Variants in AGMO observed in about 807,000 individuals in gnomAD.
AGMO encodes the protein glyceryl-ether monooxygenase.
Under a neutral mutation model 60.2 loss-of-function variants are expected in AGMO, and 75 were observed. The ratio of observed to expected loss-of-function variants is 1.25; its 90% confidence interval spans 1.03 to 1.51. The LOEUF (loss-of-function observed/expected upper bound fraction) is 1.51, where lower values mean the gene tolerates loss of function less well. Among genes scored for constraint, AGMO ranks in the 40% most tolerant of loss-of-function variants. AGMO has a pLI of 0.00. For missense variants in AGMO, 763 were observed against 525.5 expected, an observed-to-expected ratio of 1.45 and a Z score of -4.42; for synonymous variants, 261 against 177.1, an observed-to-expected ratio of 1.47 and a Z score of -3.76.
chr7:15,306,571 T>TTA, intron 12 of AGMO: 4 of 373,378 alleles, frequency 1.1e-5, no homozygotes, highest in South Asian at 2.0e-5. Flanking sequence ...TATGACTGTG[T>TTA]AAAAAAAAAA....
At chr7:15,330,237 T>C (rs373735014) in intron 12 of AGMO, among the ~76,000 whole-genome samples, 30 of 152,230 alleles carry the variant, frequency 2.0e-4, no homozygotes, top group Middle Eastern at 6.8e-3. Context: ...AGTACTAAAA[T>C]AATAAAATCC....
chr7:15,176,971 T>A, the AGMO span, among the ~76,000 whole-genome samples: 1 of 151,996 alleles, frequency 6.6e-6, no homozygotes, highest in African/African-American at 2.4e-5. Context: ...GACCAAGACA[T>A]GTCATTTAAT....
chr7:15,396,732 A>G (rs558226548), intron 5 of AGMO: 2 of 149,320 alleles, frequency 1.3e-5, no homozygotes, highest in African/African-American at 2.6e-5. Flanking sequence ...TCCACTTTAC[A>G]GAGAGCTGAT....
At chr7:15,319,477 A>C (rs1381956511) in intron 12 of AGMO, among the ~76,000 whole-genome samples, 1 of 152,148 alleles carries the variant, frequency 6.6e-6, no homozygotes. Flanking sequence ...TAAATAAACA[A>C]AGCTTTGCAT....
At chr7:15,413,734 C>A (rs1033607480) in intron 5 of AGMO, among the ~76,000 whole-genome samples, 5 of 151,924 alleles carry the variant, frequency 3.3e-5, no homozygotes, top group Admixed American at 3.3e-4. Flanking sequence ...AAGTATCTTT[C>A]AAAAATTAAG....
intron 3 of AGMO, among the ~76,000 whole-genome samples, chr7:15,443,298 T>G (rs1781611784): frequency 6.6e-6 from 1 of 152,156 alleles, no homozygotes; most frequent in Admixed American, 6.5e-5. Flanking sequence ...CATTCACCCC[T>G]AGATGCTGTC....
intron 12 of AGMO, among the ~76,000 whole-genome samples, chr7:15,245,324 T>C (rs1463036880): frequency 6.6e-6 from 1 of 152,150 alleles, no homozygotes; most frequent in Non-Finnish European, 1.5e-5. Flanking sequence ...GGGAATAATA[T>C]ACCTCTCTTT....
At chr7:15,270,901 A>G (rs571789687) in intron 12 of AGMO, among the ~76,000 whole-genome samples, 60 of 151,842 alleles carry the variant, frequency 4.0e-4, no homozygotes, top group African/African-American at 1.4e-3. Flanking sequence ...TTTTCCACAC[A>G]CCATTTAGTG....
At chr7:15,250,556 AACACACACAC>A (rs35821350) in intron 12 of AGMO, among the ~76,000 whole-genome samples, 4 of 149,360 alleles carry the variant, frequency 2.7e-5, no homozygotes, top group South Asian at 2.1e-4. Context: ...ACACACACTA[AACACACACAC>A]ACACACACAC....
At chr7:15,201,889 C>G (rs1781298795) in intron 12 of AGMO, among the ~76,000 whole-genome samples, 1 of 152,088 alleles carries the variant, frequency 6.6e-6, no homozygotes, top group African/African-American at 2.4e-5. Flanking sequence ...AATGTAACTG[C>G]AAATTTCTTT....
At chr7:15,343,221 C>T (rs1268041048) in intron 12 of AGMO, among the ~76,000 whole-genome samples, 1 of 152,078 alleles carries the variant, frequency 6.6e-6, no homozygotes, top group Non-Finnish European at 1.5e-5. Flanking sequence ...TTTTATTATG[C>T]CCCTTTAATG....
rs543013254 is a variant in AGMO at position 15,210,763 on chromosome 7, T to C, written c.1264-9404A>G. ...AGGCCTCTTCTCCTTAATATGTCTA[T>C]TGTTTCTGTGATAATTTTCTTTCCT... is the stretch of plus-strand genomic sequence containing the variant. On this transcript the variant is annotated intron_variant, in intron 12 of 12. Coordinates refer to ENST00000342526, the MANE Select transcript of AGMO (RefSeq NM_001004320.2). 7.9e-5 allele frequency among the ~76,000 whole-genome samples: 12 copies of C among 152,214 alleles called. No homozygotes were observed. The East Asian group carries it at 9.6e-4, about 12-fold the overall frequency.
intron 12 of AGMO, among the ~76,000 whole-genome samples, chr7:15,213,452 A>C (rs2128494572): frequency 6.6e-6 from 1 of 152,078 alleles, no homozygotes; most frequent in South Asian, 2.1e-4. Context: ...TTAAAAAAAT[A>C]TAAATTTCCC....
At chr7:15,523,047 C>G (rs150154804) in intron 3 of AGMO, among the ~76,000 whole-genome samples, 6,636 of 152,288 alleles carry the variant, frequency 0.044, 193 homozygotes, top group Non-Finnish European at 0.064. Context: ...TGAACAGACA[C>G]ATCGCTAAAG....
intron 3 of AGMO, among the ~76,000 whole-genome samples, chr7:15,462,612 T>C (rs1782171974): frequency 6.6e-6 from 1 of 152,208 alleles, no homozygotes; most frequent in Admixed American, 6.6e-5. Flanking sequence ...GATCTATATC[T>C]GCCCTAAATC....
chr7:15,224,230 C>T (rs531077332), intron 12 of AGMO, among the ~76,000 whole-genome samples: 2 of 152,048 alleles, frequency 1.3e-5, no homozygotes, highest in South Asian at 2.1e-4. Flanking sequence ...CAACCATATA[C>T]TCTAGCCAAA....
chr7:15,518,657 C>T (rs75361550), intron 3 of AGMO, among the ~76,000 whole-genome samples: 2,868 of 152,080 alleles, frequency 0.019, 77 homozygotes, highest in African/African-American at 0.065. Flanking sequence ...ACTCAAAAAC[C>T]CCATCCAAAG....
chr7:15,481,735 T>C (rs1037728838), intron 3 of AGMO, among the ~76,000 whole-genome samples: 16 of 150,304 alleles, frequency 1.1e-4, no homozygotes, highest in African/African-American at 3.7e-4. Flanking sequence ...GATCCGCCCA[T>C]ACAATTCTTT....
chr7:15,524,482 T>A (rs1159234205), intron 3 of AGMO, among the ~76,000 whole-genome samples: 2 of 151,732 alleles, frequency 1.3e-5, no homozygotes, highest in African/African-American at 2.4e-5. Context: ...TTTTGACAAC[T>A]AATTAAATTT....
Sources: gnomAD v4.1 joint callset for allele counts (sites outside exome capture counted in the v4.1 genomes callset) on GRCh38, gnomAD v4.1.1 for gene constraint, MANE v1.5 for transcripts, NCBI Gene and HGNC (gene_info 2026-07-23, HGNC 2026-07-21) for gene names.